Variants in TMEM132C observed in about 807,000 individuals in gnomAD.
TMEM132C encodes protein phosphatase 1, regulatory subunit 152.
A neutral mutation model predicts 61.4 loss-of-function variants in TMEM132C; 29 were observed. The ratio of observed to expected loss-of-function variants is 0.47; its 90% CI spans 0.35 to 0.64. The LOEUF (loss-of-function observed/expected upper bound fraction) is 0.64. Among genes scored for constraint, TMEM132C ranks in the 30% least tolerant of loss-of-function variants. The pLI is 0.00. For synonymous variants in TMEM132C, 656 were observed against 633.1 expected, an observed-to-expected ratio of 1.04 and a Z score of -0.54; for missense variants, 1,408 against 1,476.9, an observed-to-expected ratio of 0.95 and a Z score of 0.76.
intron 2 of TMEM132C, among the ~76,000 whole-genome samples, chr12:128,533,337 C>CCAGGGGTGGGCTGCTTT (rs1331501363): frequency 6.6e-6 from 1 of 152,154 alleles, no homozygotes; most frequent in Non-Finnish European, 1.5e-5. Context: ...GAGGGCCAGG[C>CCAGGGGTGGGCTGCTTT]CAGGGGTGGG....
intron 1 of TMEM132C, among the ~76,000 whole-genome samples, chr12:128,284,290 G>T (rs547596173): frequency 6.6e-6 from 1 of 152,356 alleles, no homozygotes; most frequent in Non-Finnish European, 1.5e-5. Flanking sequence ...AGTGTATAGT[G>T]CTCTGGGAGG....
intron 8 of TMEM132C, among the ~76,000 whole-genome samples, chr12:128,698,683 C>G (rs1382605520): frequency 6.6e-6 from 1 of 152,242 alleles, no homozygotes; most frequent in East Asian, 1.9e-4. Flanking sequence ...CACACAGAGC[C>G]TTGGATGCTC....
intron 5 of TMEM132C, among the ~76,000 whole-genome samples, chr12:128,684,263 G>A (rs1172298142): frequency 6.6e-6 from 1 of 151,692 alleles, no homozygotes; most frequent in African/African-American, 2.4e-5. Context: ...CACATAGTAG[G>A]GGCACAGAAA....
At chr12:128,435,229 C>G (rs931929067) in intron 2 of TMEM132C, among the ~76,000 whole-genome samples, 4 of 152,178 alleles carry the variant, frequency 2.6e-5, no homozygotes, top group African/African-American at 9.7e-5. Flanking sequence ...TTGTTTAAAC[C>G]ACCCAGTGAG....
intron 2 of TMEM132C, among the ~76,000 whole-genome samples, chr12:128,492,772 T>C (rs1271885274): frequency 6.6e-6 from 1 of 152,258 alleles, no homozygotes; most frequent in Non-Finnish European, 1.5e-5. Context: ...GAGGGGTAGA[T>C]TGCAAAAACT....
intron 1 of TMEM132C, among the ~76,000 whole-genome samples, chr12:128,371,581 T>G (rs1874029606): frequency 6.6e-6 from 1 of 152,208 alleles, no homozygotes; most frequent in Admixed American, 6.5e-5. Flanking sequence ...ATGTATGTAT[T>G]TATTCATTTT....
chr12:128,344,779 T>C (rs2135957199), intron 1 of TMEM132C, among the ~76,000 whole-genome samples: 1 of 152,344 alleles, frequency 6.6e-6, no homozygotes, highest in African/African-American at 2.4e-5. Flanking sequence ...TATGTGCTTA[T>C]AGGCCAATTA....
At position 128,326,116 on chromosome 12, in the gene TMEM132C, C is replaced by T. The variant is rs570174876; in HGVS notation, c.85+58629C>T. 2.6e-5 allele frequency among the ~76,000 whole-genome samples: 4 copies of T among 152,180 alleles called. No individual in the cohort carries two copies. Among genetic ancestry groups the T allele is most frequent in the Non-Finnish European group, 5.9e-5 (4 of 67,998 alleles). On this transcript the variant is annotated intron_variant, in intron 1 of 8. Coordinates refer to ENST00000435159, the MANE Select transcript of TMEM132C (RefSeq NM_001136103.3). The surrounding 1 kb of genome is among the most constrained non-coding windows in gnomAD (Gnocchi z 5.6). ...TTCATGTTTCTTCAAAGATAAATATCACTTCTGTCAGGTGAATAAATACCA... is the reference window on the plus strand; with the variant it reads ...TTCATGTTTCTTCAAAGATAAATATTACTTCTGTCAGGTGAATAAATACCA...
intron 2 of TMEM132C, among the ~76,000 whole-genome samples, chr12:128,423,491 CAAG>C (rs1280384398): frequency 6.6e-6 from 1 of 152,192 alleles, no homozygotes; most frequent in Non-Finnish European, 1.5e-5. Context: ...AAGATTTATG[CAAG>C]AATACTGAGA....
intron 2 of TMEM132C, among the ~76,000 whole-genome samples, chr12:128,522,531 C>T (rs1872941983): frequency 6.6e-6 from 1 of 152,212 alleles, no homozygotes. Context: ...TGTTCAATCC[C>T]TAGCCAACCT....
rs117286124 is a variant in TMEM132C at position 128,653,152 on chromosome 12, T to C, written c.1306-16265T>C. On this transcript the variant is annotated intron_variant, in intron 4 of 8. Coordinates refer to ENST00000435159, the MANE Select transcript of TMEM132C (RefSeq NM_001136103.3). Reference sequence around the variant, plus strand: ...ACGTGGACGAACCTTGAAAATATGATGAAAGAAGCCAGGCACAAAGGGCCA... The same window carrying C: ...ACGTGGACGAACCTTGAAAATATGACGAAAGAAGCCAGGCACAAAGGGCCA... Among the ~76,000 whole-genome samples the C allele has an allele frequency of 2.9e-3, 435 of 151,764 alleles. 1 individual carries two copies. Among genetic ancestry groups the C allele is most frequent in the Non-Finnish European group, 5.2e-3 (351 of 67,976 alleles).
intron 1 of TMEM132C, among the ~76,000 whole-genome samples, chr12:128,382,412 G>A (rs1411197189): frequency 1.3e-5 from 2 of 152,122 alleles, no homozygotes; most frequent in Non-Finnish European, 2.9e-5. Context: ...TGCAATAATG[G>A]GAATGTCCCC....
chr12:128,488,937 A>G (rs1421710981), intron 2 of TMEM132C, among the ~76,000 whole-genome samples: 2 of 152,104 alleles, frequency 1.3e-5, no homozygotes, highest in Admixed American at 1.3e-4. Flanking sequence ...TGTTCGTCCC[A>G]CCCAGGTTGA....
intron 1 of TMEM132C, among the ~76,000 whole-genome samples, chr12:128,289,725 T>A (rs1213076193): frequency 1.3e-5 from 2 of 152,246 alleles, no homozygotes; most frequent in Non-Finnish European, 2.9e-5. Flanking sequence ...TGGTATCATC[T>A]GCACTTCCAT....
intron 1 of TMEM132C, among the ~76,000 whole-genome samples, chr12:128,399,709 G>A (rs1026969719): frequency 5.3e-5 from 8 of 151,980 alleles, no homozygotes; most frequent in African/African-American, 9.7e-5. Context: ...TCAGGGGTCC[G>A]CACACTATGG....
intron 1 of TMEM132C, among the ~76,000 whole-genome samples, chr12:128,322,879 A>T (rs149652311): frequency 6.6e-6 from 1 of 152,192 alleles, no homozygotes; most frequent in Non-Finnish European, 1.5e-5. Context: ...CATTGAAATG[A>T]CAAACAGGAG....
chr12:128,616,238 G>A lies in TMEM132C; in HGVS notation c.1208G>A (p.Trp403Ter). The A allele has an allele frequency of 1.9e-6, 3 of 1,551,752 alleles. No individual in the cohort carries two copies. The highest frequency in any genetic ancestry group is 2.6e-6 in the Non-Finnish European group (3 of 1,147,012). The stretch of plus-strand genomic sequence containing the variant: ...CTTTCAGGGACTCAGCCCATCACGT[G>A]GCAGGTGGAGTACCCACGGAAGGGG... ...SSLSGTQPIT[W>*]QVEYPRKGTT... The change falls in exon 4 of 9, where the codon TGG becomes TAG. Residue 403 changes from tryptophan to a stop codon, truncating the protein, a stop_gained. Transcript: ENST00000435159. LOFTEE classifies it high-confidence loss of function.
intron 1 of TMEM132C, among the ~76,000 whole-genome samples, chr12:128,269,402 A>G (rs1217342449): frequency 7.1e-6 from 1 of 140,702 alleles, no homozygotes; most frequent in Non-Finnish European, 1.5e-5. Flanking sequence ...ACTTTTGATT[A>G]CGAGAGTGGC....
Position 128,267,432 on chromosome 12 carries a change from G to A in TMEM132C, c.30G>A (p.Pro10=). The stretch of plus-strand genomic sequence containing the variant: ...GCTCCGAGGGTGCGGCCCCCGGGCC[G>A]GCGGCGCCGCTGTGCGGGGCGCTGA... MRSEGAAPG[P]AAPLCGALSL... Residue 10 remains proline, a synonymous_variant, in exon 1 of 9, where the codon CCG becomes CCA. Transcript: ENST00000435159. 2.4e-6 allele frequency: 3 copies of A among 1,246,160 alleles called. No individual in the cohort carries two copies. Among genetic ancestry groups the A allele is most frequent in the East Asian group, 6.5e-5 (2 of 30,582 alleles). The allele number at this position is 1,246,160 out of a possible 1,614,324, so 77.2% of individuals were successfully genotyped here.
Sources: gnomAD v4.1 joint callset for allele counts (sites outside exome capture counted in the v4.1 genomes callset) on GRCh38, gnomAD v4.1.1 for gene constraint, Gnocchi (gnomAD v3.1) non-coding constraint, MANE v1.5 for transcripts, NCBI Gene and HGNC (gene_info 2026-07-23, HGNC 2026-07-21) for gene names.